Variants in ZNF841 observed in about 807,000 individuals in gnomAD.
ZNF841 encodes the protein zinc finger protein 841, also known as TCONS_00006091.
A neutral mutation model predicts 13.0 loss-of-function variants in ZNF841; 11 were observed. That is an observed-to-expected ratio of 0.85 (90% CI 0.53 to 1.40). ZNF841 has a LOEUF of 1.40. Ranked by LOEUF, ZNF841 falls within the 40% of genes most tolerant of loss-of-function variation. The pLI, the probability that ZNF841 is intolerant of heterozygous loss-of-function variation, is 0.00. For synonymous variants in ZNF841, 369 were observed against 381.6 expected, an observed-to-expected ratio of 0.97 and a Z score of 0.38; for missense variants, 1,068 against 1,139.5, an observed-to-expected ratio of 0.94 and a Z score of 0.90.
intron 4 of ZNF841, among the ~76,000 whole-genome samples, chr19:52,083,818 CT>C (rs200811423): frequency 0.21 from 29,307 of 138,668 alleles, 3,451 homozygotes; most frequent in African/African-American, 0.39. Flanking sequence ...TCATAGTTAC[CT>C]TTTTTTTTTT....
intron 6 of ZNF841, among the ~76,000 whole-genome samples, chr19:52,069,040 C>A (rs1406840415): frequency 6.6e-6 from 1 of 152,124 alleles, no homozygotes; most frequent in East Asian, 1.9e-4. Flanking sequence ...AACTATGTAA[C>A]AAACAACAGA....
rs1279660662 is a variant in ZNF841, at chr19:52,066,107, G to A, written c.1775C>T (p.Thr592Ile). ...SCLARHQRMH[T>I]GEKPYKCNVC... Reference sequence around the variant, plus strand: ...ATTACATTTGTAAGGTTTCTCTCCGGTATGCATTCTTTGATGACGTGCTAG... The same window carrying A: ...ATTACATTTGTAAGGTTTCTCTCCGATATGCATTCTTTGATGACGTGCTAG... The change falls in exon 7 of 7, where the codon ACC becomes ATC. Residue 592 changes from threonine (T) to isoleucine (I), a missense_variant. Coordinates refer to ENST00000594440, the MANE Select transcript of ZNF841 (RefSeq NM_001136499.2). The A allele has an allele frequency of 1.2e-6, 2 of 1,614,138 alleles. No homozygotes were observed. The highest frequency in any genetic ancestry group is 2.2e-5 in the East Asian group (1 of 44,884).
At chr19:52,092,122 A>G (rs965773584) in intron 2 of ZNF841, among the ~76,000 whole-genome samples, 1 of 150,982 alleles carries the variant, frequency 6.6e-6, no homozygotes, top group African/African-American at 2.4e-5. Flanking sequence ...AGCCTGGGCA[A>G]CAGAGTGAGA....
intron 4 of ZNF841, among the ~76,000 whole-genome samples, chr19:52,078,675 G>C (rs926093015): frequency 6.7e-6 from 1 of 150,052 alleles, no homozygotes; most frequent in African/African-American, 2.5e-5. Context: ...CTCCAGCCTG[G>C]GTGACAGAGC....
At chr19:52,064,116 G>A (rs544718155), downstream of ZNF841, among the ~76,000 whole-genome samples, 18 of 151,494 alleles carry the variant, frequency 1.2e-4, no homozygotes, top group African/African-American at 3.1e-4. Context: ...AGGCCGAGGC[G>A]GGTGGATCAT....
chr19:52,087,243 C>T (rs2088304501), intron 3 of ZNF841, among the ~76,000 whole-genome samples: 1 of 152,186 alleles, frequency 6.6e-6, no homozygotes, highest in Admixed American at 6.5e-5. Flanking sequence ...GGTACATGTG[C>T]AGGACGTGCA....
At chr19:52,070,309 G>A (rs1006740724) in intron 6 of ZNF841, among the ~76,000 whole-genome samples, 4 of 152,144 alleles carry the variant, frequency 2.6e-5, no homozygotes, top group African/African-American at 7.2e-5. Context: ...GCGAATGCGG[G>A]AATAAAAGAC....
chr19:52,070,207 CA>C (rs1297242081), intron 6 of ZNF841, among the ~76,000 whole-genome samples: 1 of 152,188 alleles, frequency 6.6e-6, no homozygotes, highest in Non-Finnish European at 1.5e-5. Flanking sequence ...AGAAATACTT[CA>C]AGAGCCATTT....
At chr19:52,088,242 A>C (rs2088354910) in intron 3 of ZNF841, among the ~76,000 whole-genome samples, 1 of 152,022 alleles carries the variant, frequency 6.6e-6, no homozygotes, top group Admixed American at 6.6e-5. Context: ...CTCCCTGTGG[A>C]CTCCACTTAG....
At chr19:52,078,616 A>C (rs559356651) in intron 4 of ZNF841, among the ~76,000 whole-genome samples, 1 of 150,184 alleles carries the variant, frequency 6.7e-6, no homozygotes, top group Non-Finnish European at 1.5e-5. Context: ...GGAGAATGGC[A>C]TGAACCCGGG....
In ZNF841 at chr19:52,067,363, C is replaced by T. The variant is rs2087611995; in HGVS notation, c.519G>A (p.Gly173=). 1 of 1,549,770 alleles carries T rather than the reference C, an allele frequency of 6.5e-7. No homozygotes were observed. The part of the protein sequence containing the change: ...LTGQRVRHSQ[G]DVENKHMENQ... ...TTTCCATATGCTTGTTTTCTACGTC[C>T]CCTTGACTATGTCGAACTCTTTGAC... The change falls in exon 7 of 7, where the codon GGG becomes GGA. Residue 173 remains glycine (G), a synonymous_variant. Transcript: ENST00000594440.
At chr19:52,071,435 C>T (rs1268227647) in intron 6 of ZNF841, among the ~76,000 whole-genome samples, 4 of 151,902 alleles carry the variant, frequency 2.6e-5, no homozygotes, top group African/African-American at 7.3e-5. Context: ...GTTAAGGAGA[C>T]GGGGTGCAGA....
intron 4 of ZNF841, among the ~76,000 whole-genome samples, chr19:52,081,469 C>T (rs1002829538): frequency 1.3e-5 from 2 of 152,204 alleles, no homozygotes; most frequent in Admixed American, 6.5e-5. Context: ...ATAGCACACA[C>T]AGACAAGCTC....
chr19:52,084,729 A>G lies in ZNF841; in HGVS notation c.15+58T>C, dbSNP rs570850255. On this transcript the variant is annotated intron_variant, in intron 4 of 6. Coordinates refer to ENST00000594440, the MANE Select transcript of ZNF841 (RefSeq NM_001136499.2). ...GACTCAGAGAAGATTTGCAGCTCCA[A>G]TGCCCTGCATTTCAAAAAGGGAGGA... The G allele has an allele frequency of 2.5e-5, 40 of 1,584,928 alleles. No individual in the cohort carries two copies. In the South Asian group the frequency reaches 2.7e-4, roughly 11 times the overall value.
chr19:52,072,579 C>T (rs2116868), intron 6 of ZNF841, among the ~76,000 whole-genome samples: 23,905 of 152,132 alleles, frequency 0.16, 2,208 homozygotes, highest in South Asian at 0.3. Context: ...TGGTGGCTCA[C>T]GCCTGTAATC....
intron 4 of ZNF841, among the ~76,000 whole-genome samples, chr19:52,079,081 GTACTTCA>G (rs2088007173): frequency 6.6e-6 from 1 of 151,016 alleles, no homozygotes; most frequent in East Asian, 1.9e-4. Context: ...TATTTACTTA[GTACTTCA>G]TTTACTTATT....
chr19:52,084,836 G>C lies in ZNF841; in HGVS notation c.-35C>G. 6.2e-7 allele frequency: 1 copy of C among 1,605,906 alleles called. No individual in the cohort carries two copies. On this transcript the variant is annotated 5_prime_UTR_variant, in exon 4 of 7. Coordinates refer to ENST00000594440, the MANE Select transcript of ZNF841 (RefSeq NM_001136499.2). ...CTTTTCTTTCTTCTTTCTCTCCTGG[G>C]CCTCTCTCTCAGTCAATATAATTAA...
intron 4 of ZNF841, among the ~76,000 whole-genome samples, chr19:52,083,811 T>C (rs2088178594): frequency 7.0e-6 from 1 of 143,640 alleles, no homozygotes; most frequent in Non-Finnish European, 1.5e-5. Flanking sequence ...CCGTATCTCA[T>C]AGTTACCTTT....
rs200268840 is a variant in ZNF841, at chr19:52,066,986, T to C, written c.896A>G (p.His299Arg). 11 of 1,614,068 alleles carry C rather than the reference T, an allele frequency of 6.8e-6. No individual in the cohort carries two copies. The East Asian group carries it at 1.8e-4, about 26-fold the overall frequency. The stretch of plus-strand genomic sequence containing the variant: ...ATGTACTGTTAGTAGTGAGCCCCGA[T>C]GAAAGGCTTTACCAGACTCATTGCA... ...YRCNESGKAF[H>R]RGSLLTVHQI... The change falls in exon 7 of 7, where the codon CAT becomes CGT. Residue 299 changes from histidine (H) to arginine (R), a missense_variant. Physicochemically the swap from His to Arg is conservative, Grantham distance 29. Coordinates refer to ENST00000594440, the MANE Select transcript of ZNF841 (RefSeq NM_001136499.2).
Sources: gnomAD v4.1 joint callset for allele counts (sites outside exome capture counted in the v4.1 genomes callset) on GRCh38, gnomAD v4.1.1 for gene constraint, MANE v1.5 for transcripts, NCBI Gene and HGNC (gene_info 2026-07-23, HGNC 2026-07-21) for gene names.